The following GABRG3 variants were observed in gnomAD, a reference collection of about 807,000 sequenced individuals.
GABRG3 encodes gamma-aminobutyric acid receptor subunit gamma-3.
A neutral mutation model predicts 48.8 loss-of-function variants in GABRG3; 25 were observed. The observed-to-expected ratio is 0.51, with a 90% confidence interval of 0.37 to 0.72. The LOEUF (loss-of-function observed/expected upper bound fraction) is 0.72. Among genes scored for constraint, GABRG3 ranks in the 30% least tolerant of loss-of-function variants. The probability of loss-of-function intolerance (pLI) is 0.00; values close to 1 mark genes in which losing one functional copy is unlikely to be tolerated. For synonymous variants in GABRG3, 227 were observed against 217.6 expected (o/e 1.04, Z -0.38); for missense variants, 394 against 577.9 (o/e 0.68, Z 3.26).
At chr15:27,105,077 A>G (rs1251629004) in intron 3 of GABRG3, among the ~76,000 whole-genome samples, 1 of 152,234 alleles carries the variant, frequency 6.6e-6, no homozygotes, top group African/African-American at 2.4e-5. Context: ...AAAGTAAAAG[A>G]ATGGAAAAAG....
intron 5 of GABRG3, among the ~76,000 whole-genome samples, chr15:27,408,046 G>A (rs1887689830): frequency 6.6e-6 from 1 of 152,072 alleles, no homozygotes; most frequent in Admixed American, 6.5e-5. Flanking sequence ...GTGTAGGGTA[G>A]GGCCTCCATG....
intron 3 of GABRG3, among the ~76,000 whole-genome samples, chr15:27,099,503 C>G (rs1897320514): frequency 6.6e-6 from 1 of 151,994 alleles, no homozygotes; most frequent in South Asian, 2.1e-4. Context: ...AGATTAGAAC[C>G]TACTGTAATA....
chr15:27,220,382 A>AC (rs1889410583), intron 3 of GABRG3, among the ~76,000 whole-genome samples: 1 of 152,016 alleles, frequency 6.6e-6, no homozygotes, highest in African/African-American at 2.4e-5. Flanking sequence ...AGGATAAGGA[A>AC]CCCTGGTGAT....
chr15:27,072,038 G>C (rs10519571), intron 3 of GABRG3, among the ~76,000 whole-genome samples: 25,421 of 152,090 alleles, frequency 0.17, 2,266 homozygotes, highest in Middle Eastern at 0.26. Flanking sequence ...GTTAGCTATT[G>C]CAGTTCCTAC....
At chr15:27,452,962 A>G (rs1889153427) in intron 5 of GABRG3, among the ~76,000 whole-genome samples, 1 of 152,214 alleles carries the variant, frequency 6.6e-6, no homozygotes, top group Non-Finnish European at 1.5e-5. Context: ...ATTCAGTCTT[A>G]AAAAGGAAGG....
rs367835979 is a variant in GABRG3 at position 27,353,426 on chromosome 15, C to CTTTTTATTTATT, written c.574+24539_574+24540insTTTTATTTATTT. 1.8e-3 allele frequency among the ~76,000 whole-genome samples: 259 copies of CTTTTTATTTATT among 146,110 alleles called. 2 individuals are homozygous for CTTTTTATTTATT. Among genetic ancestry groups the CTTTTTATTTATT allele is most frequent in the African/African-American group, 6.3e-3 (244 of 38,852 alleles). On this transcript the variant is annotated intron_variant, in intron 5 of 9. Transcript: ENST00000615808. ...GATGTGTGCATAGTTTTCTTTCTTTCTATTTATTTATTTATTTATTTATTT... is the reference window on the plus strand; with the variant it reads ...GATGTGTGCATAGTTTTCTTTCTTTCTTTTTATTTATTTATTTATTTATTTATTTATTTATTT...
At chr15:27,119,192 T>C (rs548877866) in intron 3 of GABRG3, among the ~76,000 whole-genome samples, 1 of 152,290 alleles carries the variant, frequency 6.6e-6, no homozygotes, top group Admixed American at 6.5e-5. Context: ...CACACCTCCT[T>C]TCATCCAATT....
chr15:27,204,186 A>G (rs1223752021), intron 3 of GABRG3, among the ~76,000 whole-genome samples: 2 of 152,080 alleles, frequency 1.3e-5, no homozygotes, highest in Admixed American at 6.6e-5. Context: ...TTTGGGTTTT[A>G]CATTTAAGTC....
chr15:27,268,734 A>G (rs1416531082), intron 3 of GABRG3, among the ~76,000 whole-genome samples: 1 of 126,090 alleles, frequency 7.9e-6, no homozygotes, highest in East Asian at 2.0e-4. Context: ...TTCATTTCAA[A>G]TATTTTATCT....
intron 6 of GABRG3, among the ~76,000 whole-genome samples, chr15:27,494,407 G>C (rs369578466): frequency 1.5e-3 from 224 of 152,182 alleles, no homozygotes; most frequent in African/African-American, 4.8e-3. Context: ...GGAAGAGTTT[G>C]TGTAGAATTG....
intron 3 of GABRG3, among the ~76,000 whole-genome samples, chr15:27,200,638 C>T (rs538326819): frequency 7.1e-4 from 108 of 152,268 alleles, no homozygotes; most frequent in African/African-American, 2.4e-3. Flanking sequence ...CTGTAAGGGG[C>T]TAGATAATAA....
At chr15:27,435,201 A>G (rs1481705106) in intron 5 of GABRG3, among the ~76,000 whole-genome samples, 1 of 148,770 alleles carries the variant, frequency 6.7e-6, no homozygotes, top group Non-Finnish European at 1.5e-5. Flanking sequence ...TTTATATTTT[A>G]TATATAATTA....
At chr15:27,176,752 G>A (rs1048951609) in intron 3 of GABRG3, among the ~76,000 whole-genome samples, 3 of 152,134 alleles carry the variant, frequency 2.0e-5, no homozygotes, top group Admixed American at 6.5e-5. Flanking sequence ...CTGGCATGGG[G>A]GCTTTTGAAG....
chr15:27,191,805 AGTT>A (rs1234887785), intron 3 of GABRG3, among the ~76,000 whole-genome samples: 1 of 149,408 alleles, frequency 6.7e-6, no homozygotes, highest in African/African-American at 2.5e-5. Flanking sequence ...TAGTTGATGC[AGTT>A]TCTTCCTAGT....
intron 2 of GABRG3, among the ~76,000 whole-genome samples, chr15:26,998,480 A>C (rs562276305): frequency 6.6e-6 from 1 of 152,168 alleles, no homozygotes; most frequent in East Asian, 1.9e-4. Context: ...GCTGGTGGCA[A>C]CCCCTGATCT....
rs1215478542 is a variant in GABRG3 at position 26,986,213 on chromosome 15, ATGT to A, written c.202+9064_202+9066del. ...ACTGTATATCCAGAAAATAATTCAA[ATGT>A]ATTCACTCCACTCTCGGAACAGATG... On this transcript the variant is annotated intron_variant, in intron 2 of 9. Coordinates refer to ENST00000615808, the MANE Select transcript of GABRG3 (RefSeq NM_033223.5). Among the ~76,000 whole-genome samples the A allele has an allele frequency of 1.2e-3, 185 of 152,326 alleles. 1 individual carries two copies. Among genetic ancestry groups the A allele is most frequent in the African/African-American group, 4.4e-3 (181 of 41,578 alleles).
chr15:27,040,567 T>C (rs1248231106), intron 3 of GABRG3, among the ~76,000 whole-genome samples: 3 of 152,324 alleles, frequency 2.0e-5, no homozygotes, highest in Admixed American at 2.0e-4. Context: ...CTACCAACAA[T>C]TAATTTTGCC....
At chr15:27,498,873 C>G (rs1272847930) in intron 6 of GABRG3, among the ~76,000 whole-genome samples, 3 of 152,146 alleles carry the variant, frequency 2.0e-5, no homozygotes, top group African/African-American at 7.2e-5. Context: ...AGAAAGATGG[C>G]AGCTTTACAG....
At chr15:27,452,708 G>A (rs1239179881) in intron 5 of GABRG3, among the ~76,000 whole-genome samples, 1 of 152,168 alleles carries the variant, frequency 6.6e-6, no homozygotes, top group Admixed American at 6.5e-5. Flanking sequence ...GGTTGGTCTG[G>A]CTGTCTCAGG....
Sources: allele counts gnomAD v4.1 joint callset (sites outside exome capture counted in the v4.1 genomes callset), GRCh38; gene constraint gnomAD v4.1.1; transcripts MANE v1.5; gene names NCBI Gene and HGNC (gene_info 2026-07-23, HGNC 2026-07-21).